EPB41L4A: variants seen among roughly 807,000 people sequenced by gnomAD.
EPB41L4A encodes erythrocyte membrane protein band 4.1 like 4A.
A neutral mutation model predicts 108.6 loss-of-function variants in EPB41L4A; 100 were observed. The ratio of observed to expected loss-of-function variants is 0.92; its 90% CI spans 0.78 to 1.09. EPB41L4A has a LOEUF of 1.09. EPB41L4A is among the 50% of genes least tolerant of loss of function. The pLI is 0.00. For synonymous variants in EPB41L4A, 319 were observed against 289.0 expected, an observed-to-expected ratio of 1.10 and a Z score of -1.05; for missense variants, 1,030 against 842.7, an observed-to-expected ratio of 1.22 and a Z score of -2.75.
rs1760150594 is a variant in EPB41L4A at position 112,165,030 on chromosome 5, ATTG to A, written c.2018_2020del (p.Thr673del). 4.3e-6 allele frequency: 7 copies of A among 1,612,296 alleles called. No homozygotes were observed. The highest frequency in any genetic ancestry group is 5.9e-6 in the Non-Finnish European group (7 of 1,178,758). ...GAGGCGGGAAGCTTGTATAGTTTTT[ATTG>A]TTTTTGCTGTGTGTTTTCCAGCCAG... is the stretch of plus-strand genomic sequence containing the variant. On this transcript the variant is annotated inframe_deletion, in exon 23 of 23. Transcript: ENST00000261486.
At chr5:112,269,018 A>G (rs1752071396) in intron 4 of EPB41L4A, among the ~76,000 whole-genome samples, 1 of 148,646 alleles carries the variant, frequency 6.7e-6, no homozygotes, top group African/African-American at 2.4e-5. Context: ...ACAAACACAT[A>G]CAAAGAAACA....
chr5:112,200,268 C>G (rs1172084802), intron 15 of EPB41L4A, among the ~76,000 whole-genome samples: 1 of 152,174 alleles, frequency 6.6e-6, no homozygotes, highest in Non-Finnish European at 1.5e-5. Flanking sequence ...GCGCAAGCAT[C>G]CAACCTCAGG....
intron 12 of EPB41L4A, among the ~76,000 whole-genome samples, chr5:112,157,356 C>T (rs949114876): frequency 2.0e-5 from 3 of 152,112 alleles, no homozygotes; most frequent in South Asian, 2.1e-4. Context: ...ATGAGAAAAT[C>T]GAGATGGGAC....
intron 12 of EPB41L4A, among the ~76,000 whole-genome samples, chr5:112,227,199 G>A (rs534082871): frequency 6.6e-5 from 10 of 152,216 alleles, no homozygotes; most frequent in African/African-American, 2.4e-4. Context: ...AGATTTAAGT[G>A]AGAGTGTCCA....
At chr5:112,364,534 C>A (rs62365251) in intron 1 of EPB41L4A, among the ~76,000 whole-genome samples, 1 of 151,906 alleles carries the variant, frequency 6.6e-6, no homozygotes, top group African/African-American at 2.4e-5. Flanking sequence ...AAGATAAATA[C>A]TTGTATTCTA....
rs1051371888 is a variant in EPB41L4A at position 112,260,999 on chromosome 5, T to C, written c.643-1020A>G. 6.2e-4 allele frequency among the ~76,000 whole-genome samples: 95 copies of C among 152,304 alleles called. 1 individual carries two copies. The highest frequency in any genetic ancestry group is 1.2e-3 in the Non-Finnish European group (81 of 68,028). ...AATTAGGATAAACATTATACAAATG[T>C]AGAAGCATTTTGCAGAAGACTCTCT... On this transcript the variant is annotated intron_variant, in intron 7 of 22. Coordinates refer to ENST00000261486, the MANE Select transcript of EPB41L4A (RefSeq NM_022140.5).
chr5:112,337,490 T>G (rs6860627), intron 1 of EPB41L4A, among the ~76,000 whole-genome samples: 55,392 of 151,982 alleles, frequency 0.36, 11,051 homozygotes, highest in African/African-American at 0.53. Context: ...ATGCAGTATC[T>G]CAGTCATCAC....
upstream of EPB41L4A, chr5:112,419,492 A>G (rs183684119): frequency 2.0e-3 from 749 of 376,084 alleles, 9 homozygotes; most frequent in Admixed American, 0.02. Context: ...CACGGATTTG[A>G]GCGCGGCCCC....
chr5:112,415,506 G>T (rs975229631), intron 1 of EPB41L4A, among the ~76,000 whole-genome samples: 10 of 152,206 alleles, frequency 6.6e-5, no homozygotes, highest in African/African-American at 2.4e-4. Context: ...GCAATTTTGA[G>T]AATTAAATTT....
intron 1 of EPB41L4A, among the ~76,000 whole-genome samples, chr5:112,408,841 C>T (rs529939781): frequency 1.3e-5 from 2 of 151,818 alleles, no homozygotes; most frequent in Non-Finnish European, 2.9e-5. Context: ...TTATAACAAG[C>T]GCTGGTGAGA....
At chr5:112,379,880 A>T (rs1760052481) in intron 1 of EPB41L4A, among the ~76,000 whole-genome samples, 1 of 152,220 alleles carries the variant, frequency 6.6e-6, no homozygotes, top group Non-Finnish European at 1.5e-5. Flanking sequence ...CCTATAAGAC[A>T]TAAGAAAGAC....
At chr5:112,375,544 T>G (rs1242596735) in intron 1 of EPB41L4A, among the ~76,000 whole-genome samples, 1 of 152,168 alleles carries the variant, frequency 6.6e-6, no homozygotes, top group Non-Finnish European at 1.5e-5. Context: ...GTTAGAATTA[T>G]CTGATAAAGC....
intron 1 of EPB41L4A, among the ~76,000 whole-genome samples, chr5:112,343,495 G>A (rs542406714): frequency 2.6e-5 from 4 of 152,156 alleles, no homozygotes; most frequent in African/African-American, 7.2e-5. Context: ...TACTTAGCGA[G>A]TTCCCAGCAC....
chr5:112,362,517 G>C (rs950184377), intron 1 of EPB41L4A, among the ~76,000 whole-genome samples: 1 of 152,122 alleles, frequency 6.6e-6, no homozygotes, highest in Non-Finnish European at 1.5e-5. Context: ...CTGACCTTAG[G>C]TGATCCGCCC....
intron 1 of EPB41L4A, among the ~76,000 whole-genome samples, chr5:112,343,130 T>C (rs369988099): frequency 1.3e-5 from 2 of 152,152 alleles, no homozygotes; most frequent in East Asian, 1.9e-4. Flanking sequence ...CATAACAGTT[T>C]TTTACATTAA....
intron 2 of EPB41L4A, among the ~76,000 whole-genome samples, chr5:112,290,261 T>C (rs1012069442): frequency 2.4e-4 from 37 of 152,246 alleles, no homozygotes; most frequent in African/African-American, 8.9e-4. Flanking sequence ...GCTTTTTTTG[T>C]TACTGAAAAT....
Position 112,205,459 on chromosome 5 carries a change from G to C in EPB41L4A, c.1224C>G (p.Ser408Arg). ...KNENSPDTQR[S>R]KSHAPWEENG... ...TTTCTTCCCACGGTGCATGAGATTT[G>C]CTTCTTTGGGTATCAGGGCTATTTT... Residue 408 changes from serine to arginine, a missense_variant, in exon 14 of 23, where the codon AGC becomes AGG. Coordinates refer to ENST00000261486, the MANE Select transcript of EPB41L4A (RefSeq NM_022140.5). 3 of 1,613,568 alleles carry C rather than the reference G, an allele frequency of 1.9e-6. No homozygotes were observed. The highest frequency in any genetic ancestry group is 2.5e-6 in the Non-Finnish European group (3 of 1,179,832).
At chr5:112,284,218 G>C (rs1236013769) in intron 2 of EPB41L4A, among the ~76,000 whole-genome samples, 2 of 152,152 alleles carry the variant, frequency 1.3e-5, no homozygotes, top group African/African-American at 2.4e-5. Context: ...GGGGAAAGAG[G>C]AGCAGAGAGC....
chr5:112,336,496 T>C (rs188289494), intron 1 of EPB41L4A, among the ~76,000 whole-genome samples: 1 of 152,162 alleles, frequency 6.6e-6, no homozygotes. Context: ...GGGTGATTCT[T>C]TACCCTGTAC....
Sources: gnomAD v4.1 joint callset for allele counts (sites outside exome capture counted in the v4.1 genomes callset) on GRCh38, gnomAD v4.1.1 for gene constraint, MANE v1.5 for transcripts, NCBI Gene and HGNC (gene_info 2026-07-23, HGNC 2026-07-21) for gene names.